CLVS1: variants seen among roughly 807,000 people sequenced by gnomAD.
The protein encoded by CLVS1 is clavesin-1.
CLVS1 carries 10 observed loss-of-function variants against 33.1 expected under a neutral mutation model. The ratio of observed to expected loss-of-function variants is 0.30; its 90% CI spans 0.19 to 0.51. The LOEUF (loss-of-function observed/expected upper bound fraction) is 0.51, where lower values mean the gene tolerates loss of function less well. CLVS1 is among the 20% of genes least tolerant of loss of function. CLVS1 has a pLI of 0.97. For synonymous variants in CLVS1, 163 were observed against 166.1 expected (o/e 0.98, Z 0.14); for missense variants, 343 against 433.4 (o/e 0.79, Z 1.85).
intron 3 of CLVS1, among the ~76,000 whole-genome samples, chr8:61,382,566 C>CATATTAAAGTTTGA (rs1813924418): frequency 6.6e-6 from 1 of 152,150 alleles, no homozygotes; most frequent in Non-Finnish European, 1.5e-5. Context: ...GATTTGCATG[C>CATATTAAAGTTTGA]ATATTAAAGT....
chr8:61,148,924 G>T (rs1806468349), intron 2 of CLVS1, among the ~76,000 whole-genome samples: 1 of 152,184 alleles, frequency 6.6e-6, no homozygotes, highest in South Asian at 2.1e-4. Context: ...AATATGTTGT[G>T]TGATTCCAGG....
intron 2 of CLVS1, among the ~76,000 whole-genome samples, chr8:61,333,525 C>G (rs192737623): frequency 1.4e-4 from 21 of 152,120 alleles, no homozygotes; most frequent in Middle Eastern, 3.4e-3. Flanking sequence ...AAATTTGTAC[C>G]AAGTGCTTAT....
the CLVS1 span, among the ~76,000 whole-genome samples, chr8:60,984,291 G>GT: frequency 3.4e-5 from 5 of 149,082 alleles, no homozygotes; most frequent in Admixed American, 6.7e-5. Flanking sequence ...AAAAGGTCTA[G>GT]TTTTTTTTCT....
At chr8:61,313,360 AC>A (rs1238917010) in intron 2 of CLVS1, among the ~76,000 whole-genome samples, 3 of 152,104 alleles carry the variant, frequency 2.0e-5, no homozygotes, top group Non-Finnish European at 4.4e-5. Flanking sequence ...GAAAATAAGG[AC>A]CCACATAGTG....
At chr8:61,099,856 T>A (rs1585609937) in intron 1 of CLVS1, among the ~76,000 whole-genome samples, 4 of 152,222 alleles carry the variant, frequency 2.6e-5, no homozygotes, top group Non-Finnish European at 5.9e-5. Context: ...CAAATTGTAA[T>A]CTGTTTAGAA....
At chr8:61,157,140 C>T (rs146383253) in intron 2 of CLVS1, among the ~76,000 whole-genome samples, 3 of 152,292 alleles carry the variant, frequency 2.0e-5, no homozygotes, top group African/African-American at 7.2e-5. Context: ...GGCACTCTAG[C>T]TTGTGTCAGT....
At chr8:61,138,119 G>A (rs1036979453) in intron 2 of CLVS1, among the ~76,000 whole-genome samples, 2 of 152,234 alleles carry the variant, frequency 1.3e-5, no homozygotes, top group African/African-American at 4.8e-5. Flanking sequence ...GAATGCAGAA[G>A]AGGAGGCATA....
intron 5 of CLVS1, among the ~76,000 whole-genome samples, chr8:61,466,796 C>T (rs1181141950): frequency 2.0e-5 from 3 of 152,024 alleles, no homozygotes; most frequent in Non-Finnish European, 4.4e-5. Flanking sequence ...TACAGGTGCC[C>T]ACCACCACAC....
intron 3 of CLVS1, among the ~76,000 whole-genome samples, chr8:61,451,814 G>C (rs2640226): frequency 0.02 from 2,543 of 128,780 alleles, 60 homozygotes; most frequent in African/African-American, 0.077. Context: ...CACACACACA[G>C]AGAGAGAGAG....
At chr8:61,332,735 G>A (rs1811645954) in intron 2 of CLVS1, among the ~76,000 whole-genome samples, 1 of 152,164 alleles carries the variant, frequency 6.6e-6, no homozygotes, top group African/African-American at 2.4e-5. Context: ...CTGCCTCCTG[G>A]GTTCAAGCGC....
At chr8:61,181,775 C>G (rs1393495721) in intron 2 of CLVS1, among the ~76,000 whole-genome samples, 1 of 145,108 alleles carries the variant, frequency 6.9e-6, no homozygotes, top group Non-Finnish European at 1.5e-5. Context: ...TCTCTGCTCA[C>G]TGCAAACTCC....
At chr8:61,190,043 T>G (rs1807437329) in intron 2 of CLVS1, among the ~76,000 whole-genome samples, 1 of 152,108 alleles carries the variant, frequency 6.6e-6, no homozygotes, top group Non-Finnish European at 1.5e-5. Context: ...TCTACAGAAG[T>G]CTCCACCCCA....
the CLVS1 span, among the ~76,000 whole-genome samples, chr8:60,989,388 C>G: frequency 6.6e-6 from 1 of 152,172 alleles, no homozygotes; most frequent in South Asian, 2.1e-4. Flanking sequence ...CCATGTTAGT[C>G]AGGCTGGTCT....
At chr8:61,041,589 A>G in the CLVS1 span, among the ~76,000 whole-genome samples, 3 of 152,004 alleles carry the variant, frequency 2.0e-5, no homozygotes, top group South Asian at 4.1e-4. Flanking sequence ...GTGTGTGGCT[A>G]TTGTAAGTGG....
intron 3 of CLVS1, among the ~76,000 whole-genome samples, chr8:61,390,498 A>G (rs1208520165): frequency 6.6e-6 from 1 of 152,242 alleles, no homozygotes; most frequent in Non-Finnish European, 1.5e-5. Context: ...GGGCTTTTTA[A>G]TATTCACCAG....
chr8:61,187,271 G>A (rs1807360900), intron 2 of CLVS1, among the ~76,000 whole-genome samples: 1 of 152,010 alleles, frequency 6.6e-6, no homozygotes, highest in South Asian at 2.1e-4. Context: ...ATTTAAGCAT[G>A]CTAGATATCC....
At chr8:61,488,143 A>G (rs1174058211) in intron 5 of CLVS1, among the ~76,000 whole-genome samples, 1 of 152,210 alleles carries the variant, frequency 6.6e-6, no homozygotes, top group Admixed American at 6.5e-5. Flanking sequence ...TATCCACGTG[A>G]TTGAAATGCA....
chr8:61,494,860 G>T (rs2086187997), intron 5 of CLVS1, among the ~76,000 whole-genome samples: 1 of 152,064 alleles, frequency 6.6e-6, no homozygotes, highest in Non-Finnish European at 1.5e-5. Flanking sequence ...AATGTTTATT[G>T]TGTGACCAGG....
chr8:61,486,444 T>C (rs1468759440), intron 5 of CLVS1, among the ~76,000 whole-genome samples: 1 of 152,248 alleles, frequency 6.6e-6, no homozygotes. Flanking sequence ...CTGGAGGTAT[T>C]ACTGTAAAAT....
Sources: allele counts gnomAD v4.1 joint callset (sites outside exome capture counted in the v4.1 genomes callset), GRCh38; gene constraint gnomAD v4.1.1; transcripts MANE v1.5; gene names NCBI Gene and HGNC (gene_info 2026-07-23, HGNC 2026-07-21).